THBS4: variants seen among roughly 807,000 people sequenced by gnomAD.
THBS4 encodes the protein thrombospondin 4.
In THBS4, 90 loss-of-function variants were observed where a neutral mutation model predicts 115.7. The observed-to-expected ratio is 0.78, with a 90% CI of 0.66 to 0.93. The LOEUF (loss-of-function observed/expected upper bound fraction) is 0.93. Among genes scored for constraint, THBS4 ranks in the 40% least tolerant of loss-of-function variants. The pLI is 0.00. For synonymous variants in THBS4, 460 were observed against 479.3 expected (o/e 0.96, Z 0.53); for missense variants, 1,087 against 1,232.7 (o/e 0.88, Z 1.77).
chr5:80,064,334 A>G (rs1333070553), intron 8 of THBS4, among the ~76,000 whole-genome samples: 1 of 152,266 alleles, frequency 6.6e-6, no homozygotes, highest in Non-Finnish European at 1.5e-5. Context: ...TCAAAGGCAC[A>G]CCACTCTGTA....
chr5:80,078,278 C>G (rs1200294643), intron 17 of THBS4, 51 bp downstream of exon 17: 2 of 1,420,362 alleles, frequency 1.4e-6, no homozygotes, highest in African/African-American at 1.4e-5. Context: ...CAACAGAGGC[C>G]CTTCTGATAG....
chr5:80,014,456 G>C (rs1561293844), intron 2 of THBS4, among the ~76,000 whole-genome samples: 1 of 152,178 alleles, frequency 6.6e-6, no homozygotes. Context: ...TGTGGATACA[G>C]CAGGACCCTT....
At chr5:80,000,119 T>A (rs922676319) in intron 2 of THBS4, among the ~76,000 whole-genome samples, 2 of 152,172 alleles carry the variant, frequency 1.3e-5, no homozygotes, top group African/African-American at 4.8e-5. Flanking sequence ...AGTATGTAAA[T>A]ACTTATGAAT....
chr5:80,041,597 C>A (rs543153065), intron 2 of THBS4, among the ~76,000 whole-genome samples: 1 of 152,282 alleles, frequency 6.6e-6, no homozygotes, highest in East Asian at 1.9e-4. Context: ...TTTACACAGG[C>A]CTGTCACTGG....
At chr5:80,043,476 C>G (rs554504606) in intron 2 of THBS4, among the ~76,000 whole-genome samples, 4 of 152,294 alleles carry the variant, frequency 2.6e-5, no homozygotes, top group African/African-American at 9.6e-5. Flanking sequence ...TTCAGCTGAT[C>G]TCCTCTTTTG....
intron 1 of THBS4, among the ~76,000 whole-genome samples, chr5:79,995,973 A>G (rs1321014482): frequency 4.8e-5 from 1 of 21,030 alleles, no homozygotes; most frequent in Non-Finnish European, 1.1e-4. Flanking sequence ...AATCTCTACT[A>G]AAAAAAAAAA....
chr5:79,997,043 T>C (rs1831808240), intron 1 of THBS4, among the ~76,000 whole-genome samples: 1 of 151,944 alleles, frequency 6.6e-6, no homozygotes, highest in Non-Finnish European at 1.5e-5. Flanking sequence ...TTTTTTTTTT[T>C]TTTTAAGTCC....
At chr5:80,033,468 G>A (rs1483281792), upstream of THBS4, among the ~76,000 whole-genome samples, 3 of 152,222 alleles carry the variant, frequency 2.0e-5, no homozygotes, top group Non-Finnish European at 2.9e-5. Context: ...GCTGGAGGGT[G>A]CAAATGGTGA....
rs914365640 is a variant in THBS4 at position 80,016,267 on chromosome 5, C to T, written n.177+17840C>T. ...AGATGTGACTGCATACTGTTTTGACCGATTATATGTGCTCAGCTGGCAAAG... is the reference window on the plus strand; with the variant it reads ...AGATGTGACTGCATACTGTTTTGACTGATTATATGTGCTCAGCTGGCAAAG... On this transcript the variant is annotated intron_variant and non_coding_transcript_variant, in intron 2 of 3. Transcript: ENST00000510218. Among the ~76,000 whole-genome samples, 2 of 152,124 alleles carry T rather than the reference C, an allele frequency of 1.3e-5. 1 individual carries two copies. Among genetic ancestry groups the T allele is most frequent in the South Asian group, 4.1e-4 (2 of 4,826 alleles).
intron 2 of THBS4, among the ~76,000 whole-genome samples, chr5:80,048,632 ATGTG>A (rs56183875): frequency 0.013 from 1,848 of 147,362 alleles, 25 homozygotes; most frequent in Admixed American, 0.032. Context: ...CACTAGATAG[ATGTG>A]TGTGTGTGTG....
chr5:80,066,160 T>C (rs759891202), intron 9 of THBS4, among the ~76,000 whole-genome samples: 8 of 152,030 alleles, frequency 5.3e-5, no homozygotes, highest in Non-Finnish European at 8.8e-5. Flanking sequence ...GCTTAGCACT[T>C]AGGGATGCCT....
At chr5:80,006,363 G>A (rs1189483144) in intron 2 of THBS4, among the ~76,000 whole-genome samples, 1 of 152,176 alleles carries the variant, frequency 6.6e-6, no homozygotes, top group African/African-American at 2.4e-5. Flanking sequence ...AGATCTGATA[G>A]TTTTATCAGG....
In THBS4 at chr5:80,058,815, A is replaced by G. The variant is rs372636111; in HGVS notation, c.732+25A>G. On this transcript the variant is annotated intron_variant, in intron 5 of 21. Transcript: ENST00000350881. ...GGTAACAAGCGGGACATATCATCAG[A>G]AAAGCCCTCGTCTTCTTAGAGCAGC... 5.0e-6 allele frequency: 8 copies of G among 1,606,928 alleles called. No individual in the cohort carries two copies. The African/African-American group carries it at 8.0e-5, about 16-fold the overall frequency.
intron 4 of THBS4, 80 bp from the exon 5 acceptor site, chr5:80,058,628 C>G: frequency 8.2e-7 from 1 of 1,220,920 alleles, no homozygotes. Context: ...GGATGATTTC[C>G]TGGGGAATAA....
chr5:80,080,186 A>G (rs1309176559), intron 20 of THBS4, 109 bp downstream of exon 20: 2 of 1,274,518 alleles, frequency 1.6e-6, no homozygotes, highest in Non-Finnish European at 2.1e-6. Context: ...ATAGTCCCCA[A>G]GGACATGCCA....
intron 1 of THBS4, among the ~76,000 whole-genome samples, chr5:79,996,473 C>A (rs984866235): frequency 1.3e-5 from 2 of 152,050 alleles, no homozygotes; most frequent in Non-Finnish European, 2.9e-5. Flanking sequence ...GGGATGGTAC[C>A]CTAGGAGTTG....
At chr5:80,081,823 G>A (rs1288122010) in intron 20 of THBS4, among the ~76,000 whole-genome samples, 1 of 152,174 alleles carries the variant, frequency 6.6e-6, no homozygotes, top group African/African-American at 2.4e-5. Flanking sequence ...GGTTTTGATT[G>A]TTCTCGCCAG....
intron 2 of THBS4, among the ~76,000 whole-genome samples, chr5:80,008,423 ATT>A (rs1343270658): frequency 2.0e-5 from 3 of 151,862 alleles, no homozygotes; most frequent in Non-Finnish European, 2.9e-5. Flanking sequence ...TTTTTTTTTA[ATT>A]TTGTTTTGAG....
Position 80,072,351 on chromosome 5 carries a change from G to A in THBS4, c.1794G>A (p.Val598=). Residue 598 remains valine, a synonymous_variant, in exon 14 of 22, where the codon GTG becomes GTA. Coordinates refer to ENST00000350881, the MANE Select transcript of THBS4 (RefSeq NM_003248.6). The part of the protein sequence containing the change: ...RDQRDKDGDG[V]GDACDSCPDV... ...AACGGGACAAGGATGGTGATGGTGT[G>A]GGGGATGCCTGTGACAGTTGTCCTG... The A allele has an allele frequency of 6.2e-7, 1 of 1,614,162 alleles. No individual in the cohort carries two copies. Among genetic ancestry groups the A allele is most frequent in the Non-Finnish European group, 8.5e-7 (1 of 1,180,028 alleles).
Sources: allele counts gnomAD v4.1 joint callset (sites outside exome capture counted in the v4.1 genomes callset), GRCh38; gene constraint gnomAD v4.1.1; transcripts MANE v1.5; gene names NCBI Gene and HGNC (gene_info 2026-07-23, HGNC 2026-07-21).